Variants in C1QTNF3 observed in about 807,000 individuals in gnomAD.
C1QTNF3 encodes the protein C1q and TNF related 3.
A neutral mutation model predicts 32.6 loss-of-function variants in C1QTNF3; 26 were observed. The observed-to-expected ratio is 0.80, with a 90% CI of 0.58 to 1.11. The LOEUF (loss-of-function observed/expected upper bound fraction) is 1.11. Ranked by LOEUF, C1QTNF3 falls within the 50% of genes least tolerant of loss-of-function variation. The probability of loss-of-function intolerance (pLI) is 0.00; values close to 1 mark genes in which losing one functional copy is unlikely to be tolerated. For missense variants in C1QTNF3, 362 were observed against 398.2 expected, an observed-to-expected ratio of 0.91 and a Z score of 0.77; for synonymous variants, 155 against 146.0, an observed-to-expected ratio of 1.06 and a Z score of -0.44.
chr5:34,120,890 G>A, the C1QTNF3 span, among the ~76,000 whole-genome samples: 1 of 152,186 alleles, frequency 6.6e-6, no homozygotes, highest in Non-Finnish European at 1.5e-5. Flanking sequence ...TAGGTTATGT[G>A]ATATAGTAAT....
chr5:34,224,225 C>T, the C1QTNF3 span, among the ~76,000 whole-genome samples: 15 of 152,152 alleles, frequency 9.9e-5, no homozygotes, highest in African/African-American at 3.6e-4. Flanking sequence ...GGCCATACTG[C>T]CCAAGGTAAT....
At chr5:34,176,257 G>A in the C1QTNF3 span, among the ~76,000 whole-genome samples, 1 of 137,714 alleles carries the variant, frequency 7.3e-6, no homozygotes, top group African/African-American at 2.7e-5. Context: ...CTGTTGTGCG[G>A]TGGGGGGAGG....
the C1QTNF3 span, among the ~76,000 whole-genome samples, chr5:34,064,422 G>A: frequency 6.6e-6 from 1 of 152,156 alleles, no homozygotes; most frequent in Non-Finnish European, 1.5e-5. Flanking sequence ...CAGATTCCAA[G>A]GAATGGAACC....
the C1QTNF3 span, among the ~76,000 whole-genome samples, chr5:34,203,036 A>T: frequency 2.0e-5 from 3 of 152,358 alleles, no homozygotes; most frequent in Admixed American, 2.0e-4. Flanking sequence ...GCACACACTG[A>T]GGGAATTCGT....
At chr5:34,114,806 C>G in the C1QTNF3 span, among the ~76,000 whole-genome samples, 1 of 151,672 alleles carries the variant, frequency 6.6e-6, no homozygotes, top group Admixed American at 6.5e-5. Context: ...TCTCTTCTAA[C>G]ACATCATTGT....
intron 5 of C1QTNF3, among the ~76,000 whole-genome samples, chr5:34,021,711 C>T (rs545443898): frequency 6.6e-6 from 1 of 152,126 alleles, no homozygotes; most frequent in South Asian, 2.1e-4. Flanking sequence ...GGGAGTTGAA[C>T]AATGAGAACA....
the C1QTNF3 span, among the ~76,000 whole-genome samples, chr5:34,180,390 G>A: frequency 1.3e-5 from 2 of 152,326 alleles, no homozygotes; most frequent in African/African-American, 4.8e-5. Context: ...GGCAGCGCAC[G>A]TCTGTGGTCC....
the C1QTNF3 span, among the ~76,000 whole-genome samples, chr5:34,056,454 G>GTGTGTGTATATATATA: frequency 1.6e-4 from 8 of 48,960 alleles, no homozygotes; most frequent in East Asian, 9.8e-4. Context: ...GTGTGTGTGT[G>GTGTGTGTATATATATA]TATATATATA....
the C1QTNF3 span, chr5:34,218,464 A>G: frequency 6.6e-6 from 1 of 151,276 alleles, no homozygotes; most frequent in Non-Finnish European, 1.5e-5. Context: ...CAAGAAAAAG[A>G]AAGGAAATAA....
chr5:34,241,023 A>G, the C1QTNF3 span, among the ~76,000 whole-genome samples: 1 of 152,128 alleles, frequency 6.6e-6, no homozygotes, highest in Non-Finnish European at 1.5e-5. Flanking sequence ...CAAAAACCAT[A>G]TGATCATCTC....
At chr5:34,079,340 G>C in the C1QTNF3 span, among the ~76,000 whole-genome samples, 1 of 151,546 alleles carries the variant, frequency 6.6e-6, no homozygotes, top group Non-Finnish European at 1.5e-5. Flanking sequence ...TAAAAGTGAA[G>C]AGGGGGGACT....
intron 2 of C1QTNF3, 71 bp downstream of exon 2, chr5:34,035,576 A>G: frequency 9.0e-7 from 1 of 1,110,608 alleles, no homozygotes; most frequent in Non-Finnish European, 1.4e-6. Context: ...CCAAATTATT[A>G]AGGTTTGCCC....
chr5:34,049,679 T>C, the C1QTNF3 span, among the ~76,000 whole-genome samples: 94 of 152,348 alleles, frequency 6.2e-4, no homozygotes, highest in East Asian at 0.017. Context: ...TTTTCAGGAA[T>C]TGCCTAATGT....
At chr5:34,244,647 A>AT in the C1QTNF3 span, 1 of 152,000 alleles carries the variant, frequency 6.6e-6, no homozygotes, top group East Asian at 1.9e-4. Context: ...TGATTGGTGC[A>AT]TTTACAATCC....
At chr5:34,126,814 A>G in the C1QTNF3 span, among the ~76,000 whole-genome samples, 8 of 152,182 alleles carry the variant, frequency 5.3e-5, no homozygotes, top group Admixed American at 1.3e-4. Context: ...TGGAAGACCA[A>G]TATGCTTTGG....
At chr5:34,236,262 C>T in the C1QTNF3 span, among the ~76,000 whole-genome samples, 2 of 151,986 alleles carry the variant, frequency 1.3e-5, no homozygotes, top group African/African-American at 2.4e-5. Context: ...CTCTTGCTCA[C>T]GTGCCTGTAG....
chr5:34,233,092 A>G, the C1QTNF3 span, among the ~76,000 whole-genome samples: 1 of 151,240 alleles, frequency 6.6e-6, no homozygotes, highest in African/African-American at 2.4e-5. Flanking sequence ...TAGAATTTCT[A>G]TTTTCCTTCC....
the C1QTNF3 span, among the ~76,000 whole-genome samples, chr5:34,213,514 T>C: frequency 1.3e-4 from 20 of 151,380 alleles, no homozygotes; most frequent in Non-Finnish European, 2.7e-4. Flanking sequence ...CAGAGGTTAA[T>C]CATCGCAACT....
the C1QTNF3 span, among the ~76,000 whole-genome samples, chr5:34,067,787 G>C: frequency 6.6e-6 from 1 of 152,188 alleles, no homozygotes; most frequent in Non-Finnish European, 1.5e-5. Flanking sequence ...TGGAGAATAT[G>C]TTGATTATTC....
Sources: allele counts gnomAD v4.1 joint callset (sites outside exome capture counted in the v4.1 genomes callset), GRCh38; gene constraint gnomAD v4.1.1; transcripts MANE v1.5; gene names NCBI Gene and HGNC (gene_info 2026-07-23, HGNC 2026-07-21).